TLE1: variants seen among roughly 807,000 people sequenced by gnomAD.
The protein encoded by TLE1 is transducin-like enhancer protein 1.
Under a neutral mutation model 89.8 loss-of-function variants are expected in TLE1, and 21 were observed. The ratio of observed to expected loss-of-function variants is 0.23; its 90% CI spans 0.17 to 0.34. The LOEUF is 0.34. Among genes scored for constraint, TLE1 ranks in the 10% least tolerant of loss-of-function variants. The probability of loss-of-function intolerance (pLI) is 1.00; values close to 1 mark genes in which losing one functional copy is unlikely to be tolerated. For missense variants in TLE1, 795 were observed against 1,031.2 expected, an observed-to-expected ratio of 0.77 and a Z score of 3.14; for synonymous variants, 447 against 407.6, an observed-to-expected ratio of 1.10 and a Z score of -1.16.
intron 4 of TLE1, among the ~76,000 whole-genome samples, chr9:81,683,192 T>A (rs991965503): frequency 1.1e-4 from 16 of 150,968 alleles, no homozygotes; most frequent in African/African-American, 3.7e-4. Flanking sequence ...GCATTAAAGC[T>A]CTCTGTACGG....
At chr9:81,642,817 C>T (rs934216213) in intron 6 of TLE1, among the ~76,000 whole-genome samples, 32 of 152,106 alleles carry the variant, frequency 2.1e-4, no homozygotes, top group Non-Finnish European at 3.1e-4. Context: ...GCCAAGATAC[C>T]GAACAACCCA....
intron 4 of TLE1, among the ~76,000 whole-genome samples, chr9:81,679,678 TAA>T (rs747886690): frequency 6.6e-6 from 1 of 152,186 alleles, no homozygotes; most frequent in South Asian, 2.1e-4. Flanking sequence ...AAAATTTACT[TAA>T]AAACCACTAT....
intron 14 of TLE1, among the ~76,000 whole-genome samples, chr9:81,601,590 C>T (rs545062054): frequency 5.5e-4 from 82 of 149,760 alleles, no homozygotes; most frequent in African/African-American, 1.8e-3. Flanking sequence ...AACAGCAGTG[C>T]TACAGTGCCA....
At position 81,682,122 on chromosome 9, in the gene TLE1, C is replaced by T. The variant is rs558977978; in HGVS notation, c.234+3554G>A. ...AAAAAAAGTTAGCCGGGCATGGTGG[C>T]GGACACCTGTAATCCCAGCTACTCC... On this transcript the variant is annotated intron_variant, in intron 4 of 19. Coordinates refer to ENST00000376499, the MANE Select transcript of TLE1 (RefSeq NM_005077.5). Among the ~76,000 whole-genome samples the T allele has an allele frequency of 9.9e-4, 150 of 152,004 alleles. 1 individual carries two copies. The highest frequency in any genetic ancestry group is 1.5e-3 in the Non-Finnish European group (105 of 67,950).
chr9:81,653,684 T>C (rs1235615089), intron 5 of TLE1, among the ~76,000 whole-genome samples: 1 of 152,188 alleles, frequency 6.6e-6, no homozygotes, highest in Non-Finnish European at 1.5e-5. Flanking sequence ...ACACCTGAAT[T>C]TTCAGTAGCT....
chr9:81,645,012 A>G (rs1228702500), intron 6 of TLE1, among the ~76,000 whole-genome samples: 2 of 147,900 alleles, frequency 1.4e-5, no homozygotes, highest in Middle Eastern at 6.4e-3. Flanking sequence ...AAAAAAAAAA[A>G]AAAAAAAAAA....
rs2133229209 is a variant in TLE1 at position 81,689,299 on chromosome 9, G to C, written c.-1059C>G. The C allele has an allele frequency of 6.6e-6, 1 of 152,452 alleles. No individual in the cohort carries two copies. The highest frequency in any genetic ancestry group is 2.4e-5 in the African/African-American group (1 of 41,582). 9.4% of individuals were successfully genotyped at this position (152,452 alleles called of 1,614,324 possible). The stretch of plus-strand genomic sequence containing the variant: ...CCGCCAATCGGCCACCCTCCCCGGC[G>C]GGCAAACTCTGCGGGCGAGTCCAGA... On this transcript the variant is annotated 5_prime_UTR_variant, in exon 1 of 20. Transcript: ENST00000376499.
intron 8 of TLE1, among the ~76,000 whole-genome samples, chr9:81,621,492 C>T (rs990591902): frequency 6.6e-6 from 1 of 152,186 alleles, no homozygotes; most frequent in Admixed American, 6.5e-5. Context: ...TCACAAAGCC[C>T]AGATAACCCC....
chr9:81,598,231 A>C (rs967457394), intron 14 of TLE1, among the ~76,000 whole-genome samples: 2 of 152,126 alleles, frequency 1.3e-5, no homozygotes, highest in African/African-American at 4.8e-5. Context: ...TGTGACCTTA[A>C]ACTCCCAGCC....
At chr9:81,629,317 TAA>T (rs1340786383) in intron 8 of TLE1, among the ~76,000 whole-genome samples, 3 of 152,210 alleles carry the variant, frequency 2.0e-5, no homozygotes, top group East Asian at 1.9e-4. Flanking sequence ...TTAAAATATC[TAA>T]AGTTATTTTT....
At chr9:81,629,842 A>G (rs758205157) in intron 8 of TLE1, among the ~76,000 whole-genome samples, 2 of 152,214 alleles carry the variant, frequency 1.3e-5, no homozygotes, top group Non-Finnish European at 2.9e-5. Flanking sequence ...CCACCATCAT[A>G]TATGCAATCC....
chr9:81,682,608 C>G lies in TLE1; in HGVS notation c.234+3068G>C, dbSNP rs186992164. 1.7e-4 allele frequency among the ~76,000 whole-genome samples: 26 copies of G among 152,266 alleles called. No individual in the cohort carries two copies. In the East Asian group the frequency reaches 5.0e-3, roughly 29 times the overall value. ...AATATCAAATGAGGTAATATCAAAC[C>G]ATATGACAGACAAAAACATTTAAAG... On this transcript the variant is annotated intron_variant, in intron 4 of 19. Coordinates refer to ENST00000376499, the MANE Select transcript of TLE1 (RefSeq NM_005077.5).
At chr9:81,628,451 A>C (rs935504196) in intron 8 of TLE1, among the ~76,000 whole-genome samples, 2 of 152,136 alleles carry the variant, frequency 1.3e-5, no homozygotes, top group African/African-American at 4.8e-5. Flanking sequence ...TTCCAGAAAA[A>C]GACCAACAGT....
intron 8 of TLE1, among the ~76,000 whole-genome samples, chr9:81,624,838 G>A (rs1368761753): frequency 6.6e-6 from 1 of 152,014 alleles, no homozygotes; most frequent in Admixed American, 6.6e-5. Context: ...ACTCAAAATA[G>A]GAGTAATACA....
chr9:81,675,304 A>AATGGAAGACACT (rs1177788458), intron 4 of TLE1, among the ~76,000 whole-genome samples: 1 of 150,504 alleles, frequency 6.6e-6, no homozygotes, highest in Non-Finnish European at 1.5e-5. Context: ...TGTTTGGGAG[A>AATGGAAGACACT]ATGGAAGACA....
At chr9:81,657,121 T>C (rs562095448) in intron 4 of TLE1, among the ~76,000 whole-genome samples, 1 of 152,348 alleles carries the variant, frequency 6.6e-6, no homozygotes, top group South Asian at 2.1e-4. Flanking sequence ...ATGTATTTAT[T>C]GCTCCACTCT....
rs143371277 is a variant in TLE1, at chr9:81,689,169, C to G, written c.-929G>C. On this transcript the variant is annotated 5_prime_UTR_variant, in exon 1 of 20. Transcript: ENST00000376499. ...GGTCTTCTTTCTTTCCTTCCTTCACCTTCGTGTGCTTCTCCGCAAAGGGCG... is the reference window on the plus strand; with the variant it reads ...GGTCTTCTTTCTTTCCTTCCTTCACGTTCGTGTGCTTCTCCGCAAAGGGCG... The G allele has an allele frequency of 2.0e-5, 3 of 152,460 alleles. No individual in the cohort carries two copies. The East Asian group carries it at 5.8e-4, about 30-fold the overall frequency. The allele number at this position is 152,460 out of a possible 1,614,324, so 9.4% of individuals were successfully genotyped here.
intron 6 of TLE1, among the ~76,000 whole-genome samples, chr9:81,650,855 C>T (rs1230812589): frequency 2.0e-5 from 3 of 152,086 alleles, no homozygotes; most frequent in African/African-American, 7.2e-5. Flanking sequence ...GAGGAAAAAG[C>T]TATTAAAAGG....
intron 16 of TLE1, among the ~76,000 whole-genome samples, chr9:81,589,809 C>T (rs187910796): frequency 7.2e-5 from 11 of 152,282 alleles, no homozygotes; most frequent in Admixed American, 5.9e-4. Flanking sequence ...GTGGAGAGGG[C>T]GTTCGGCCCT....
Sources: gnomAD v4.1 joint callset for allele counts (sites outside exome capture counted in the v4.1 genomes callset) on GRCh38, gnomAD v4.1.1 for gene constraint, MANE v1.5 for transcripts, NCBI Gene and HGNC (gene_info 2026-07-23, HGNC 2026-07-21) for gene names.